The following CAPZB variants were observed in gnomAD, a reference collection of about 807,000 sequenced individuals.
CAPZB encodes the protein capping actin protein of muscle Z-line subunit beta, also known as F-actin-capping protein subunit beta.
CAPZB carries 2 observed loss-of-function variants against 38.1 expected under a neutral mutation model. That is an observed-to-expected ratio of 0.05 (90% CI 0.02 to 0.17). The LOEUF (loss-of-function observed/expected upper bound fraction) is 0.17, where lower values mean the gene tolerates loss of function less well. CAPZB is among the 10% of genes least tolerant of loss of function. CAPZB has a pLI of 1.00. For synonymous variants in CAPZB, 107 were observed against 127.4 expected, an observed-to-expected ratio of 0.84 and a Z score of 1.08; for missense variants, 161 against 334.2, an observed-to-expected ratio of 0.48 and a Z score of 4.04.
chr1:19,484,330 C>A, intron 1 of CAPZB: 1 of 1,584,016 alleles, frequency 6.3e-7, no homozygotes, highest in Admixed American at 1.8e-5. Flanking sequence ...CCCAAGGCCA[C>A]GGCCTCACAA....
intron 1 of CAPZB, chr1:19,449,186 G>A: frequency 8.1e-7 from 1 of 1,235,334 alleles, no homozygotes; most frequent in Non-Finnish European, 1.0e-6. Context: ...CGGTGTCTCT[G>A]AGCAGGCCTG....
chr1:19,475,699 C>T (rs2094604436), intron 1 of CAPZB, among the ~76,000 whole-genome samples: 1 of 152,242 alleles, frequency 6.6e-6, no homozygotes. Context: ...GTGGAATTGC[C>T]TGGCCCCAGT....
At chr1:19,464,979 A>T (rs1447623468) in intron 1 of CAPZB, among the ~76,000 whole-genome samples, 2 of 152,218 alleles carry the variant, frequency 1.3e-5, no homozygotes, top group African/African-American at 2.4e-5. Flanking sequence ...TGGTGGCAAC[A>T]TGATTAGTAC....
chr1:19,485,402 C>A (rs2094647934), intron 1 of CAPZB, 34 bp downstream of exon 1: 2 of 1,225,532 alleles, frequency 1.6e-6, no homozygotes, highest in South Asian at 8.2e-5. Context: ...CCGGAGGGGC[C>A]CCCGGGCCGG....
chr1:19,400,273 G>A lies in CAPZB; in HGVS notation c.94-14647C>T, dbSNP rs143657065. Among the ~76,000 whole-genome samples the A allele has an allele frequency of 1.7e-3, 260 of 152,172 alleles. 3 individuals are homozygous for A. The highest frequency in any genetic ancestry group is 5.9e-3 in the African/African-American group (247 of 41,528). On this transcript the variant is annotated intron_variant, in intron 2 of 8. Coordinates refer to ENST00000264202, the MANE Select transcript of CAPZB (RefSeq NM_004930.5). ...TCATGAATCTGGCATGTGGTCACTG[G>A]CAGTTAAAGGGGGTGATGATGGAGA...
chr1:19,353,928 T>C (rs907363058), intron 6 of CAPZB, among the ~76,000 whole-genome samples: 1 of 152,244 alleles, frequency 6.6e-6, no homozygotes, highest in Non-Finnish European at 1.5e-5. Flanking sequence ...ACAGGTCCAC[T>C]GCAGCTGCTC....
At chr1:19,476,949 G>T (rs1438970811) in intron 1 of CAPZB, among the ~76,000 whole-genome samples, 1 of 152,202 alleles carries the variant, frequency 6.6e-6, no homozygotes, top group Non-Finnish European at 1.5e-5. Flanking sequence ...CGCTGAGTGC[G>T]GTGGACCTGG....
intron 2 of CAPZB, among the ~76,000 whole-genome samples, chr1:19,416,464 T>C (rs2094379773): frequency 6.6e-6 from 1 of 152,064 alleles, no homozygotes; most frequent in Non-Finnish European, 1.5e-5. Flanking sequence ...AGGGGTGTTG[T>C]ATGACTTTGA....
intron 4 of CAPZB, among the ~76,000 whole-genome samples, chr1:19,371,312 G>C (rs558288733): frequency 6.6e-6 from 1 of 152,332 alleles, no homozygotes; most frequent in East Asian, 1.9e-4. Flanking sequence ...TAAACGCACA[G>C]AATGTAAGAT....
In CAPZB at chr1:19,357,353, C is replaced by A; in HGVS notation, c.471+69G>T. The stretch of plus-strand genomic sequence containing the variant: ...TCCCCCTACTGCATCTGTTAGAGAG[C>A]AGCGCGGCACTGGTTGGTGTGCCAT... On this transcript the variant is annotated intron_variant, in intron 5 of 8. Coordinates refer to ENST00000264202, the MANE Select transcript of CAPZB (RefSeq NM_004930.5). This position sits in a 1 kb window ranked among gnomAD's most constrained non-coding sequence, Gnocchi z 4.3. 7.0e-7 allele frequency: 1 copy of A among 1,420,342 alleles called. No homozygotes were observed. Among genetic ancestry groups the A allele is most frequent in the South Asian group, 1.2e-5 (1 of 84,132 alleles). The allele number at this position is 1,420,342 out of a possible 1,614,324, so 88.0% of individuals were successfully genotyped here.
rs376741149 is a variant in CAPZB at position 19,356,631 on chromosome 1, C to G, written c.588+4G>C. 5.0e-6 allele frequency: 8 copies of G among 1,606,472 alleles called. No homozygotes were observed. In the African/African-American group the frequency reaches 1.1e-4, roughly 21 times the overall value. ...GGCAAGTGGCTATGAGCGGGTAACT[C>G]TACCTGTCTGGTAAGGCTGCCTCCG... On this transcript the variant is annotated splice_donor_region_variant and intron_variant, in intron 6 of 8. Transcript: ENST00000264202. The surrounding 1 kb of genome is among the most constrained non-coding windows in gnomAD (Gnocchi z 4.3).
At chr1:19,418,111 G>A (rs565825646) in intron 2 of CAPZB, among the ~76,000 whole-genome samples, 8 of 125,514 alleles carry the variant, frequency 6.4e-5, no homozygotes, top group East Asian at 5.1e-4. Context: ...ACTACAGCCC[G>A]GGTGACAGAA....
intron 1 of CAPZB, among the ~76,000 whole-genome samples, chr1:19,461,022 G>C (rs76393470): frequency 0.018 from 2,652 of 145,470 alleles, 71 homozygotes; most frequent in East Asian, 0.13. Context: ...GCTGGGAAAG[G>C]AAAGTTCATC....
chr1:19,439,892 G>C (rs1389821639), intron 1 of CAPZB, among the ~76,000 whole-genome samples: 1 of 152,170 alleles, frequency 6.6e-6, no homozygotes, highest in African/African-American at 2.4e-5. Flanking sequence ...GGTTTTGTTT[G>C]TGCTTTTTCT....
chr1:19,357,714 G>A lies in CAPZB; in HGVS notation c.330-151C>T. The stretch of plus-strand genomic sequence containing the variant: ...TCCTTGGGTGTGTTCTGATCGTTCT[G>A]TGGCTGGGGGAGGGGGTGCAGCATT... On this transcript the variant is annotated intron_variant, in intron 4 of 8. Transcript: ENST00000264202. This position sits in a 1 kb window ranked among gnomAD's most constrained non-coding sequence, Gnocchi z 4.3. 1.5e-6 allele frequency: 1 copy of A among 682,252 alleles called. No individual in the cohort carries two copies. The highest frequency in any genetic ancestry group is 2.9e-5 in the Admixed American group (1 of 34,050). 42.3% of individuals were successfully genotyped at this position (682,252 alleles called of 1,614,324 possible).
intron 1 of CAPZB, chr1:19,484,316 GC>G (rs11450129): frequency 6.3e-7 from 1 of 1,594,210 alleles, no homozygotes; most frequent in Non-Finnish European, 8.5e-7. Flanking sequence ...GGGCCTGGTG[GC>G]CCCCCAAGGC....
At chr1:19,369,377 G>A (rs2100379195) in intron 4 of CAPZB, among the ~76,000 whole-genome samples, 1 of 152,346 alleles carries the variant, frequency 6.6e-6, no homozygotes, top group African/African-American at 2.4e-5. Flanking sequence ...AAAGCTGTGA[G>A]GTTTCTCCAG....
At chr1:19,392,433 G>A (rs769012800) in intron 2 of CAPZB, among the ~76,000 whole-genome samples, 8 of 151,762 alleles carry the variant, frequency 5.3e-5, no homozygotes, top group Non-Finnish European at 2.9e-5. Flanking sequence ...GGAGCAAAGC[G>A]CGGCTGGAGT....
At chr1:19,424,305 C>T (rs992660535) in intron 1 of CAPZB, 44 of 152,244 alleles carry the variant, frequency 2.9e-4, no homozygotes, top group African/African-American at 1.1e-3. Flanking sequence ...CAAGGGTATT[C>T]ATCATCAACG....
Sources: gnomAD v4.1 joint callset for allele counts (sites outside exome capture counted in the v4.1 genomes callset) on GRCh38, gnomAD v4.1.1 for gene constraint, Gnocchi (gnomAD v3.1) non-coding constraint, MANE v1.5 for transcripts, NCBI Gene and HGNC (gene_info 2026-07-23, HGNC 2026-07-21) for gene names.